Variants in HIRA observed in about 807,000 individuals in gnomAD.
HIRA encodes histone cell cycle regulator, also known as protein HIRA.
In HIRA, 13 loss-of-function variants were observed where a neutral mutation model predicts 126.6. That is an observed-to-expected ratio of 0.10 (90% CI 0.07 to 0.16). The LOEUF is 0.16. HIRA is among the 10% of genes least tolerant of loss of function. The pLI is 1.00. For synonymous variants in HIRA, 511 were observed against 520.0 expected (o/e 0.98, Z 0.24); for missense variants, 834 against 1,314.4 (o/e 0.63, Z 5.65).
At chr22:19,394,263 A>G (rs2089205633) in intron 8 of HIRA, 79 bp downstream of exon 8, 2 of 1,473,770 alleles carry the variant, frequency 1.4e-6, no homozygotes, top group Non-Finnish European at 1.9e-6. Flanking sequence ...ATATTTAAGT[A>G]TAACTATTCA....
chr22:19,412,034 T>C (rs866702398), intron 1 of HIRA, among the ~76,000 whole-genome samples: 47 of 152,218 alleles, frequency 3.1e-4, no homozygotes, highest in African/African-American at 1.1e-3. Flanking sequence ...CACTATGTAG[T>C]ATAGGTTGAG....
intron 1 of HIRA, among the ~76,000 whole-genome samples, chr22:19,411,955 G>A (rs936108252): frequency 1.3e-5 from 2 of 152,220 alleles, no homozygotes; most frequent in African/African-American, 2.4e-5. Flanking sequence ...ACCCAGCTGT[G>A]GAGAGCCGCA....
intron 9 of HIRA, among the ~76,000 whole-genome samples, chr22:19,390,492 G>C (rs2089168246): frequency 6.7e-6 from 1 of 149,566 alleles, no homozygotes; most frequent in Non-Finnish European, 1.5e-5. Flanking sequence ...AGGAGGCTGA[G>C]GCAGGAGAAT....
intron 1 of HIRA, among the ~76,000 whole-genome samples, chr22:19,420,357 T>TC (rs1280960842): frequency 6.7e-6 from 1 of 149,476 alleles, no homozygotes; most frequent in East Asian, 2.0e-4. Context: ...TCTCAGCTAC[T>TC]CAGGAGGCTG....
chr22:19,428,544 T>A (rs8138013), intron 1 of HIRA, among the ~76,000 whole-genome samples: 3,712 of 152,270 alleles, frequency 0.024, 160 homozygotes, highest in African/African-American at 0.085. Flanking sequence ...AATAAATACT[T>A]CTTCTCCTGT....
chr22:19,398,160 CCCTGGGA>C, intron 5 of HIRA, 73 bp from the exon 6 acceptor site: 1 of 1,141,340 alleles, frequency 8.8e-7, no homozygotes, highest in Non-Finnish European at 1.3e-6. Context: ...TGGCCAGTGC[CCCTGGGA>C]CCTGGGACCA....
At chr22:19,383,767 A>T in intron 12 of HIRA, 62 bp from the exon 13 acceptor site, 1 of 1,289,928 alleles carries the variant, frequency 7.8e-7, no homozygotes. Context: ...CCAAATATTA[A>T]AAAATAAAGT....
In HIRA at chr22:19,354,060, G is replaced by A. The variant is rs952617255; in HGVS notation, c.2620C>T (p.Leu874=). The part of the protein sequence containing the change: ...LAQCADFRSS[L]PSQDAMLCSG... The stretch of plus-strand genomic sequence containing the variant: ...CACAGCATGGCGTCCTGGGATGGCA[G>A]GCTGCTCCTAAAGTCTGCACACTGA... Residue 874 remains leucine, a synonymous_variant, in exon 22 of 25, where the codon CTG becomes TTG. Coordinates refer to ENST00000263208, the MANE Select transcript of HIRA (RefSeq NM_003325.4). The A allele has an allele frequency of 1.9e-6, 3 of 1,613,354 alleles. No homozygotes were observed. Among genetic ancestry groups the A allele is most frequent in the Non-Finnish European group, 2.5e-6 (3 of 1,179,750 alleles).
intron 5 of HIRA, among the ~76,000 whole-genome samples, chr22:19,402,054 T>C (rs1050934059): frequency 6.6e-6 from 1 of 152,158 alleles, no homozygotes; most frequent in Non-Finnish European, 1.5e-5. Flanking sequence ...GTCCCCTCAC[T>C]GCCGTCCAGT....
intron 2 of HIRA, 130 bp downstream of exon 2, chr22:19,410,586 G>A (rs181249613): frequency 2.0e-4 from 143 of 708,340 alleles, no homozygotes; most frequent in Non-Finnish European, 7.5e-6. Context: ...CATTATAACT[G>A]TACATTTTAA....
chr22:19,362,930 G>A (rs1057419118), intron 15 of HIRA, among the ~76,000 whole-genome samples: 1 of 151,154 alleles, frequency 6.6e-6, no homozygotes, highest in African/African-American at 2.4e-5. Context: ...AAAAAGAAGT[G>A]AAGATTAAAA....
chr22:19,385,528 A>G lies in HIRA; in HGVS notation c.1322T>C (p.Ile441Thr), dbSNP rs776213696. 1 of 1,613,694 alleles carries G rather than the reference A, an allele frequency of 6.2e-7. No individual in the cohort carries two copies. Among genetic ancestry groups the G allele is most frequent in the South Asian group, 1.1e-5 (1 of 91,086 alleles). ...ACCAGGCAGGGCTCTCACCTTCCTG[A>G]TATCTTCAAGACTCTCCCCGTTGAC... ...GVVNGESLED[I>T]RKNLLKKQVE... The change falls in exon 12 of 25, where the codon ATC (isoleucine) becomes ACC (threonine). Residue 441 changes from isoleucine to threonine, a missense_variant. This residue lies in a region of HIRA where 153 missense variants were observed against 270.6 expected (regional missense o/e 0.57). Coordinates refer to ENST00000263208, the MANE Select transcript of HIRA (RefSeq NM_003325.4).
At position 19,351,424 on chromosome 22, in the gene HIRA, T is replaced by A; in HGVS notation, c.2871A>T (p.Glu957Asp). Residue 957 changes from glutamate to aspartate, a missense_variant, in exon 24 of 25, where the codon GAA becomes GAT. By Grantham distance (45) the Glu-to-Asp change is conservative (BLOSUM62 2). This residue lies in a region of HIRA where 58 missense variants were observed against 114.5 expected (regional missense o/e 0.51). Coordinates refer to ENST00000263208, the MANE Select transcript of HIRA (RefSeq NM_003325.4). This position sits in a 1 kb window ranked among gnomAD's most constrained non-coding sequence, Gnocchi z 4.8. Reference sequence around the variant, plus strand: ...CCGGACCCAGTAAGTCCTTGCATATTTCTCGAAGTCGGTATTCAAACCCTA... The same window carrying A: ...CCGGACCCAGTAAGTCCTTGCATATATCTCGAAGTCGGTATTCAAACCCTA... ...VNEGFEYRLR[E>D]ICKDLLGPVH... 2 of 1,613,668 alleles carry A rather than the reference T, an allele frequency of 1.2e-6. No individual in the cohort carries two copies. The highest frequency in any genetic ancestry group is 1.7e-6 in the Non-Finnish European group (2 of 1,179,782).
At chr22:19,384,322 CAAAA>C in intron 12 of HIRA, among the ~76,000 whole-genome samples, 1 of 66,810 alleles carries the variant, frequency 1.5e-5, no homozygotes, top group South Asian at 6.3e-4. Context: ...GACTCCATCT[CAAAA>C]AAAAAAAAAA....
intron 24 of HIRA, among the ~76,000 whole-genome samples, chr22:19,338,408 GA>G (rs35862265): frequency 0.59 from 82,760 of 141,334 alleles, 23,723 homozygotes; most frequent in Admixed American, 0.65. Flanking sequence ...ATAACAAAAT[GA>G]AAAAAAAAAA....
chr22:19,367,380 T>G (rs1244244746), intron 15 of HIRA, among the ~76,000 whole-genome samples: 1 of 151,914 alleles, frequency 6.6e-6, no homozygotes, highest in African/African-American at 2.4e-5. Flanking sequence ...TTTTTTTTTT[T>G]TTTTGAGACG....
intron 1 of HIRA, among the ~76,000 whole-genome samples, chr22:19,418,504 C>T (rs919926714): frequency 9.2e-5 from 14 of 151,618 alleles, no homozygotes; most frequent in East Asian, 1.9e-4. Context: ...TGGTGGCAGG[C>T]GCCTGTAGTC....
rs145071407 is a variant in HIRA, at chr22:19,409,701, G to A, written c.100+1015C>T. On this transcript the variant is annotated intron_variant, in intron 2 of 24. Coordinates refer to ENST00000263208, the MANE Select transcript of HIRA (RefSeq NM_003325.4). ...ACATGCCAAAATTACCATAAAGCAT[G>A]TTTGAAACTGCCTCTTGGCCAATAT... Among the ~76,000 whole-genome samples the A allele has an allele frequency of 3.9e-5, 6 of 152,338 alleles. No individual in the cohort carries two copies. In the East Asian group the frequency reaches 1.2e-3, roughly 29 times the overall value.
intron 3 of HIRA, among the ~76,000 whole-genome samples, 161 bp from the exon 4 acceptor site, chr22:19,407,435 A>G (rs888750601): frequency 3.3e-5 from 5 of 152,340 alleles, no homozygotes; most frequent in Admixed American, 3.3e-4. Flanking sequence ...CAGTTTAAGC[A>G]CTAACCTACT....
Sources: allele counts gnomAD v4.1 joint callset (sites outside exome capture counted in the v4.1 genomes callset), GRCh38; gene constraint gnomAD v4.1.1; regional missense constraint gnomAD v4.1.1; non-coding constraint Gnocchi (gnomAD v3.1); transcripts MANE v1.5; gene names NCBI Gene and HGNC (gene_info 2026-07-23, HGNC 2026-07-21).